The following HHIPL1 variants were observed in gnomAD, a reference collection of about 807,000 sequenced individuals.
The protein encoded by HHIPL1 is HHIP-like protein 1.
A neutral mutation model predicts 61.8 loss-of-function variants in HHIPL1; 43 were observed. That is an observed-to-expected ratio of 0.70 (90% CI 0.55 to 0.90). The LOEUF is 0.90. HHIPL1 is among the 40% of genes least tolerant of loss of function. HHIPL1 has a pLI of 0.00. For synonymous variants in HHIPL1, 482 were observed against 515.8 expected (o/e 0.93, Z 0.89); for missense variants, 1,056 against 1,157.7 (o/e 0.91, Z 1.28).
At chr14:99,643,167 G>A (rs975020675), upstream of HHIPL1, among the ~76,000 whole-genome samples, 4 of 152,084 alleles carry the variant, frequency 2.6e-5, no homozygotes, top group African/African-American at 9.7e-5. Context: ...CAGCCTCCCA[G>A]TAGCTGGGAT....
intron 1 of HHIPL1, among the ~76,000 whole-genome samples, chr14:99,646,093 G>A (rs754908830): frequency 4.6e-5 from 7 of 152,258 alleles, no homozygotes; most frequent in Non-Finnish European, 1.0e-4. Context: ...ACAGCTCTTT[G>A]TTGAAGCCCC....
chr14:99,675,285 G>T lies in HHIPL1; in HGVS notation c.2008G>T (p.Asp670Tyr). Reference sequence around the variant, plus strand: ...GAACTCGGCGAGCCGGGCGTTCCGGGATGGCGAGGTGCGCCTGGTGCGGCC... The same window carrying T: ...GAACTCGGCGAGCCGGGCGTTCCGGTATGGCGAGGTGCGCCTGGTGCGGCC... Reference protein sequence around the residue: ...RLNSASRAFRDGEVRLVRPAG... With the variant: ...RLNSASRAFRYGEVRLVRPAG... The change falls in exon 9 of 9, where the codon GAT becomes TAT. Residue 670 changes from aspartate to tyrosine, a missense_variant. Transcript: ENST00000330710. This position sits in a 1 kb window ranked among gnomAD's most constrained non-coding sequence, Gnocchi z 5.4. The T allele has an allele frequency of 5.5e-6, 7 of 1,273,936 alleles. No homozygotes were observed. Among genetic ancestry groups the T allele is most frequent in the Non-Finnish European group, 6.9e-6 (7 of 1,010,812 alleles). 78.9% of individuals were successfully genotyped at this position (1,273,936 alleles called of 1,614,324 possible).
At chr14:99,659,001 T>C (rs1384872697) in intron 3 of HHIPL1, among the ~76,000 whole-genome samples, 1 of 151,434 alleles carries the variant, frequency 6.6e-6, no homozygotes, top group Non-Finnish European at 1.5e-5. Flanking sequence ...TTCCACAGAG[T>C]GTGTGGTAAA....
At chr14:99,613,311 C>T in the HHIPL1 span, among the ~76,000 whole-genome samples, 1 of 151,444 alleles carries the variant, frequency 6.6e-6, no homozygotes, top group East Asian at 2.0e-4. Flanking sequence ...TTTGAAACTC[C>T]ATACATGTGG....
chr14:99,630,552 G>T, the HHIPL1 span, among the ~76,000 whole-genome samples: 5 of 152,224 alleles, frequency 3.3e-5, no homozygotes, highest in Admixed American at 3.3e-4. Context: ...AAGCGGCTAG[G>T]AGGAGCAAGT....
chr14:99,630,700 A>T, the HHIPL1 span, among the ~76,000 whole-genome samples: 1 of 151,980 alleles, frequency 6.6e-6, no homozygotes, highest in African/African-American at 2.4e-5. Flanking sequence ...CCGGTCACAC[A>T]GACTCTGTTA....
In HHIPL1 at chr14:99,660,333, G is replaced by T. The variant is rs147919340; in HGVS notation, c.1429G>T (p.Gly477Trp). The change falls in exon 5 of 9, where the codon GGG (glycine) becomes TGG (tryptophan). Residue 477 changes from glycine to tryptophan, a missense_variant. Physicochemically the swap from Gly to Trp is radical, Grantham distance 184. Transcript: ENST00000330710. The surrounding 1 kb of genome is among the most constrained non-coding windows in gnomAD (Gnocchi z 4.9). ...GCACACGGTTGGCAAGTCGGTCACA[G>T]GGGGCTACGTGTACCGGGGCTGCGA... ...YPHTVGKSVT[G>W]GYVYRGCEYP... The T allele has an allele frequency of 6.2e-7, 1 of 1,614,100 alleles. No homozygotes were observed. Among genetic ancestry groups the T allele is most frequent in the Non-Finnish European group, 8.5e-7 (1 of 1,179,988 alleles).
intron 1 of HHIPL1, among the ~76,000 whole-genome samples, chr14:99,647,656 G>A (rs970568817): frequency 6.6e-6 from 1 of 152,220 alleles, no homozygotes; most frequent in Admixed American, 6.5e-5. Context: ...TCACTGACGG[G>A]GCCTCCTGGA....
At position 99,677,356 on chromosome 14, in the gene HHIPL1, G is replaced by GC. The variant is rs2056401702; in HGVS notation, c.*1732dup. On this transcript the variant is annotated 3_prime_UTR_variant, in exon 9 of 9. Transcript: ENST00000330710. This position sits in a 1 kb window ranked among gnomAD's most constrained non-coding sequence, Gnocchi z 4.3. ...TGGGGCTCCTGCCTGGTGTGGGAGTGCCAGCCTGGCTGGGAAGCAGCTGAT... is the reference window on the plus strand; with the variant it reads ...TGGGGCTCCTGCCTGGTGTGGGAGTGCCCAGCCTGGCTGGGAAGCAGCTGAT... 6.6e-6 allele frequency: 1 copy of GC among 152,286 alleles called. No homozygotes were observed. Among genetic ancestry groups the GC allele is most frequent in the South Asian group, 2.1e-4 (1 of 4,826 alleles). The allele number at this position is 152,286 out of a possible 1,614,324, so 9.4% of individuals were successfully genotyped here. A position where few individuals can be genotyped will look rare whatever the true frequency, so the allele number is the denominator to read the frequency against.
At chr14:99,614,035 A>T in the HHIPL1 span, among the ~76,000 whole-genome samples, 1 of 152,296 alleles carries the variant, frequency 6.6e-6, no homozygotes, top group Non-Finnish European at 1.5e-5. Flanking sequence ...CTGGATGTAA[A>T]ATCTGTGTCT....
At chr14:99,633,374 G>T in the HHIPL1 span, among the ~76,000 whole-genome samples, 228 of 152,328 alleles carry the variant, frequency 1.5e-3, no homozygotes, top group African/African-American at 5.2e-3. Flanking sequence ...GAGAGAGTCT[G>T]TGATGCCTGG....
the HHIPL1 span, among the ~76,000 whole-genome samples, chr14:99,627,195 C>CCCATCCAT: frequency 5.6e-4 from 83 of 147,576 alleles, no homozygotes; most frequent in African/African-American, 2.0e-3. This position sits in a 1 kb window ranked among gnomAD's most constrained non-coding sequence, Gnocchi z 4.4. Flanking sequence ...CTTCTATCTT[C>CCCATCCAT]CCATCCATCC....
chr14:99,658,727 G>A (rs1428746864), intron 3 of HHIPL1, among the ~76,000 whole-genome samples: 2 of 151,996 alleles, frequency 1.3e-5, no homozygotes, highest in Non-Finnish European at 2.9e-5. Context: ...TAGCTGCTTG[G>A]AGCTTAGGGC....
At chr14:99,659,318 C>A in intron 3 of HHIPL1, 110 bp from the exon 4 acceptor site, 1 of 835,778 alleles carries the variant, frequency 1.2e-6, no homozygotes, top group Non-Finnish European at 1.7e-6. Flanking sequence ...CCTAGGCTCA[C>A]CCTGCACCTG....
chr14:99,659,693 G>A lies in HHIPL1; in HGVS notation c.1312G>A (p.Gly438Ser). ...VDVVERGGNY[G>S]WRAREGFECY... ...CGTGGTGGAGCGCGGCGGCAACTATGGCTGGCGCGCGCGCGAAGGGTTCGA... is the reference window on the plus strand; with the variant it reads ...CGTGGTGGAGCGCGGCGGCAACTATAGCTGGCGCGCGCGCGAAGGGTTCGA... The change falls in exon 4 of 9, where the codon GGC becomes AGC. Residue 438 changes from glycine (G) to serine (S), a missense_variant. Gly to Ser is a moderately conservative substitution (Grantham distance 56, BLOSUM62 0). Transcript: ENST00000330710. 1 of 1,505,262 alleles carries A rather than the reference G, an allele frequency of 6.6e-7. No homozygotes were observed. The highest frequency in any genetic ancestry group is 1.3e-5 in the South Asian group (1 of 76,820). The allele number at this position is 1,505,262 out of a possible 1,614,324, so 93.2% of individuals were successfully genotyped here.
chr14:99,630,385 G>T, the HHIPL1 span, among the ~76,000 whole-genome samples: 2 of 152,208 alleles, frequency 1.3e-5, no homozygotes, highest in Admixed American at 6.5e-5. Flanking sequence ...TTACAGAAAG[G>T]CCTTGGCCTC....
At chr14:99,671,949 G>T (rs993854984) in intron 7 of HHIPL1, among the ~76,000 whole-genome samples, 8 of 152,216 alleles carry the variant, frequency 5.3e-5, no homozygotes, top group African/African-American at 1.2e-4. Context: ...CAGGAATCAG[G>T]CTGCATTTCA....
chr14:99,606,082 A>T, the HHIPL1 span, among the ~76,000 whole-genome samples: 2 of 152,132 alleles, frequency 1.3e-5, no homozygotes, highest in African/African-American at 4.8e-5. Flanking sequence ...AGAGGTCCAG[A>T]TTCAATATCT....
At chr14:99,648,646 G>A (rs1278466287) in intron 1 of HHIPL1, among the ~76,000 whole-genome samples, 1 of 152,326 alleles carries the variant, frequency 6.6e-6, no homozygotes, top group East Asian at 1.9e-4. Context: ...AGTGAGTGTC[G>A]TGTCTGAGAT....
Sources: gnomAD v4.1 joint callset for allele counts (sites outside exome capture counted in the v4.1 genomes callset) on GRCh38, gnomAD v4.1.1 for gene constraint, Gnocchi (gnomAD v3.1) non-coding constraint, MANE v1.5 for transcripts, NCBI Gene and HGNC (gene_info 2026-07-23, HGNC 2026-07-21) for gene names.